The following CHORDC1 variants were observed in gnomAD, a reference collection of about 807,000 sequenced individuals.
CHORDC1 encodes the protein cysteine and histidine-rich domain-containing protein 1.
In CHORDC1, 25 loss-of-function variants were observed where a neutral mutation model predicts 48.3. That is an observed-to-expected ratio of 0.52 (90% CI 0.38 to 0.72). The LOEUF (loss-of-function observed/expected upper bound fraction) is 0.72. CHORDC1 is among the 30% of genes least tolerant of loss of function. The pLI is 0.00. For synonymous variants in CHORDC1, 128 were observed against 126.4 expected, an observed-to-expected ratio of 1.01 and a Z score of -0.09; for missense variants, 317 against 388.7, an observed-to-expected ratio of 0.82 and a Z score of 1.55.
rs34095734 is a variant in CHORDC1, at chr11:90,200,646, A to ATGTGTG, written c.*1753_*1758dup. On this transcript the variant is annotated 3_prime_UTR_variant, in exon 11 of 11. Coordinates refer to ENST00000320585, the MANE Select transcript of CHORDC1 (RefSeq NM_012124.3). ...GACTAAATATAAAAGCTACATATGT[A>ATGTGTG]TGTGTGTGTGTGTGTGTATAAATCA... Among the ~76,000 whole-genome samples the ATGTGTG allele has an allele frequency of 1.8e-3, 277 of 150,682 alleles. 3 individuals carry two copies. Among genetic ancestry groups the ATGTGTG allele is most frequent in the Admixed American group, 8.8e-3 (133 of 15,110 alleles).
intron 6 of CHORDC1, chr11:90,209,613 A>ATGGAGAAAAAAGGAGAGGG (rs1401194318): frequency 2.6e-5 from 4 of 152,236 alleles, no homozygotes; most frequent in Non-Finnish European, 5.9e-5. Flanking sequence ...ATTAAGAGCG[A>ATGGAGAAAAAAGGAGAGGG]TGGAGAAAAA....
rs572108213 is a variant in CHORDC1, at chr11:90,220,728, T to G, written c.64+2163A>C. 2.6e-5 allele frequency among the ~76,000 whole-genome samples: 4 copies of G among 152,264 alleles called. No individual in the cohort carries two copies. In the South Asian group the frequency reaches 8.3e-4, roughly 32 times the overall value. ...CCTTTCTTTATCAGTTTTAAGAGTT[T>G]TGGCAAAATTAATATTTTATGGGTG... On this transcript the variant is annotated intron_variant, in intron 1 of 10. Transcript: ENST00000320585.
chr11:90,217,898 A>C (rs1264527562), intron 2 of CHORDC1: 3 of 82,618 alleles, frequency 3.6e-5, no homozygotes, highest in Non-Finnish European at 7.1e-5. Context: ...TCCATCTCAA[A>C]AAAAAAAAAA....
At chr11:90,202,747 T>C in intron 10 of CHORDC1, 66 bp downstream of exon 10, 2 of 1,502,682 alleles carry the variant, frequency 1.3e-6, no homozygotes, top group Non-Finnish European at 9.0e-7. Flanking sequence ...ACTGAAGAAT[T>C]GTCTTTTATT....
In CHORDC1 at chr11:90,218,253, C is replaced by T. The variant is rs1396211253; in HGVS notation, c.65-69G>A. ...TGAAGAAAAATATATACATGATCATCTCCTTAAGGTGTTAACCTTTAATCC... is the reference window on the plus strand; with the variant it reads ...TGAAGAAAAATATATACATGATCATTTCCTTAAGGTGTTAACCTTTAATCC... On this transcript the variant is annotated intron_variant, in intron 1 of 10. Transcript: ENST00000320585. 7 of 1,154,284 alleles carry T rather than the reference C, an allele frequency of 6.1e-6. No homozygotes were observed. In the Admixed American group the frequency reaches 1.9e-4, roughly 32 times the overall value. 71.5% of individuals were successfully genotyped at this position (1,154,284 alleles called of 1,614,324 possible). A position where few individuals can be genotyped will look rare whatever the true frequency, so the allele number is the denominator to read the frequency against.
intron 2 of CHORDC1, among the ~76,000 whole-genome samples, chr11:90,217,475 G>A (rs1198888445): frequency 6.6e-6 from 1 of 152,100 alleles, no homozygotes; most frequent in Non-Finnish European, 1.5e-5. Context: ...AAACTCACAG[G>A]TCTGTCCCGA....
intron 4 of CHORDC1, chr11:90,213,334 CA>C (rs35305859): frequency 0.064 from 36,379 of 564,228 alleles, 55 homozygotes; most frequent in African/African-American, 0.091. Flanking sequence ...TACTTGCAGC[CA>C]AAAAAAAAAA....
intron 6 of CHORDC1, among the ~76,000 whole-genome samples, chr11:90,209,683 G>C (rs995160348): frequency 6.6e-6 from 1 of 152,106 alleles, no homozygotes; most frequent in African/African-American, 2.4e-5. Context: ...GCAAGAGGCA[G>C]GAAAATGGCT....
chr11:90,202,225 A>G lies in CHORDC1; in HGVS notation c.*180T>C. 1 of 601,626 alleles carries G rather than the reference A, an allele frequency of 1.7e-6. No individual in the cohort carries two copies. The highest frequency in any genetic ancestry group is 2.9e-6 in the Non-Finnish European group (1 of 340,714). The allele number at this position is 601,626 out of a possible 1,614,324, so 37.3% of individuals were successfully genotyped here. A position where few individuals can be genotyped will look rare whatever the true frequency, so the allele number is the denominator to read the frequency against. ...TGAATAATCAATCTTACATAACACA[A>G]AAGAAAGATGAGAGGCACAAAAAGA... On this transcript the variant is annotated 3_prime_UTR_variant, in exon 11 of 11. Transcript: ENST00000320585.
intron 2 of CHORDC1, 80 bp downstream of exon 2, chr11:90,218,055 A>C (rs893820209): frequency 4.2e-5 from 45 of 1,079,612 alleles, no homozygotes; most frequent in Admixed American, 1.9e-4. Context: ...CTGAGAAAAA[A>C]AGATGAGAAA....
chr11:90,205,362 C>T (rs1857651392), intron 8 of CHORDC1, 98 bp downstream of exon 8: 1 of 853,266 alleles, frequency 1.2e-6, no homozygotes, highest in African/African-American at 1.7e-5. Context: ...AAAAAGAAAA[C>T]TTTTTTTTAA....
chr11:90,203,329 T>A lies in CHORDC1; in HGVS notation c.768A>T (p.Arg256=), dbSNP rs1190611005. 1.3e-6 allele frequency: 2 copies of A among 1,596,170 alleles called. No homozygotes were observed. The highest frequency in any genetic ancestry group is 1.7e-6 in the Non-Finnish European group (2 of 1,167,922). Residue 256 remains arginine (R), a synonymous_variant, in exon 9 of 11, where the codon CGA becomes CGT. Coordinates refer to ENST00000320585, the MANE Select transcript of CHORDC1 (RefSeq NM_012124.3). ...TTACCAATGTGCTATTTGCTTCTACTCGGCTAAGTTCTGGAAGTGAGTTTT... is the reference window on the plus strand; with the variant it reads ...TTACCAATGTGCTATTTGCTTCTACACGGCTAAGTTCTGGAAGTGAGTTTT... ...YAKNSLPELS[R]VEANSTLLNV...
chr11:90,207,152 A>C (rs1271047166), intron 6 of CHORDC1: 1 of 172,198 alleles, frequency 5.8e-6, no homozygotes, highest in Admixed American at 5.6e-5. Flanking sequence ...TAGGCAGTCT[A>C]TAATGAAATC....
chr11:90,219,057 G>A (rs1591061569), intron 1 of CHORDC1, among the ~76,000 whole-genome samples: 1 of 152,156 alleles, frequency 6.6e-6, no homozygotes, highest in East Asian at 1.9e-4. Context: ...CCTGAGGTCA[G>A]GAGTACGAGA....
At chr11:90,213,915 C>T (rs893900001) in intron 4 of CHORDC1, 103 bp downstream of exon 4, 1 of 1,011,004 alleles carries the variant, frequency 9.9e-7, no homozygotes, top group African/African-American at 1.6e-5. Flanking sequence ...TGGTGGCCTA[C>T]ATAGTAGCTA....
At chr11:90,204,286 T>C (rs947621018) in intron 8 of CHORDC1, among the ~76,000 whole-genome samples, 1 of 152,194 alleles carries the variant, frequency 6.6e-6, no homozygotes, top group Non-Finnish European at 1.5e-5. Flanking sequence ...AACAACATTT[T>C]ATTTTTTCAA....
At chr11:90,222,855 G>A (rs1456702932) in intron 1 of CHORDC1, 36 bp downstream of exon 1, 15 of 1,590,856 alleles carry the variant, frequency 9.4e-6, no homozygotes, top group African/African-American at 2.7e-5. Flanking sequence ...CTGATGAGGT[G>A]GAGGGGAGGG....
chr11:90,205,983 C>A, intron 7 of CHORDC1: 1 of 546,104 alleles, frequency 1.8e-6, no homozygotes, highest in African/African-American at 1.9e-5. Flanking sequence ...CAGTTTATAT[C>A]ACAATGACCA....
At chr11:90,217,939 C>G (rs988972524) in intron 2 of CHORDC1, 196 bp downstream of exon 2, 2 of 330,120 alleles carry the variant, frequency 6.1e-6, no homozygotes, top group African/African-American at 4.5e-5. Context: ...AATTTTATAA[C>G]TGGAAAAGAC....
Sources: gnomAD v4.1 joint callset for allele counts (sites outside exome capture counted in the v4.1 genomes callset) on GRCh38, gnomAD v4.1.1 for gene constraint, MANE v1.5 for transcripts, NCBI Gene and HGNC (gene_info 2026-07-23, HGNC 2026-07-21) for gene names.